NEDD9: variants seen among roughly 807,000 people sequenced by gnomAD.
NEDD9 encodes enhancer of filamentation 1.
In NEDD9, 26 loss-of-function variants were observed where a neutral mutation model predicts 76.6. That is an observed-to-expected ratio of 0.34 (90% confidence interval 0.25 to 0.47). The LOEUF (loss-of-function observed/expected upper bound fraction) is 0.47, where lower values mean the gene tolerates loss of function less well. Ranked by LOEUF, NEDD9 falls within the 20% of genes least tolerant of loss-of-function variation. NEDD9 has a pLI of 1.00. For synonymous variants in NEDD9, 392 were observed against 414.2 expected (o/e 0.95, Z 0.65); for missense variants, 937 against 1,058.5 (o/e 0.89, Z 1.59).
rs555969059 is a variant in NEDD9 at position 11,208,164 on chromosome 6, C to T, written c.459+5117G>A. ...CCGCACTTCAGCATGGGTGACAGAG[C>T]GAGACCCTGACTCAAAAAAAAAAAA... On this transcript the variant is annotated intron_variant, in intron 2 of 6. Transcript: ENST00000379446. Among the ~76,000 whole-genome samples, 11 of 145,568 alleles carry T rather than the reference C, an allele frequency of 7.6e-5. No individual in the cohort carries two copies. In the East Asian group the frequency reaches 1.4e-3, roughly 19 times the overall value.
chr6:11,219,306 C>T (rs1683710907), intron 1 of NEDD9, among the ~76,000 whole-genome samples: 5 of 152,214 alleles, frequency 3.3e-5, no homozygotes, highest in Non-Finnish European at 7.3e-5. Context: ...CTTGTAGTTT[C>T]CATGACCACT....
chr6:11,309,738 T>G (rs1234167393), intron 2 of NEDD9, among the ~76,000 whole-genome samples: 2 of 152,222 alleles, frequency 1.3e-5, no homozygotes, highest in East Asian at 3.8e-4. Flanking sequence ...GGGTTTTTCT[T>G]CTCCTTTATT....
At chr6:11,309,116 A>G (rs1018115112) in intron 2 of NEDD9, among the ~76,000 whole-genome samples, 1 of 152,162 alleles carries the variant, frequency 6.6e-6, no homozygotes, top group African/African-American at 2.4e-5. Context: ...CTATACAATA[A>G]AGTGACTTCC....
chr6:11,224,948 T>C (rs1047939819), intron 1 of NEDD9, among the ~76,000 whole-genome samples: 1 of 152,158 alleles, frequency 6.6e-6, no homozygotes, highest in Non-Finnish European at 1.5e-5. Context: ...GCCTGACCAA[T>C]AAAACCTAGG....
At position 11,190,110 on chromosome 6, in the gene NEDD9, G is replaced by A; in HGVS notation, c.1759C>T (p.Gln587Ter). 1 of 1,611,972 alleles carries A rather than the reference G, an allele frequency of 6.2e-7. No homozygotes were observed. The highest frequency in any genetic ancestry group is 8.5e-7 in the Non-Finnish European group (1 of 1,178,612). Residue 587 changes from glutamine to a stop codon, truncating the protein, a stop_gained, in exon 5 of 7, where the codon CAG becomes TAG. Transcript: ENST00000379446. LOFTEE classifies it high-confidence loss of function. The surrounding 1 kb of genome is among the most constrained non-coding windows in gnomAD (Gnocchi z 5.8). Reference protein sequence around the residue: ...TEYPHGGSQGQLLHPGDHKAQ... With the variant: ...TEYPHGGSQG ...TTGTGGTCACCAGGATGCAGCAGCT[G>A]TCCCTGGGAGCCACCGTGTGGGTAC...
intron 1 of NEDD9, among the ~76,000 whole-genome samples, chr6:11,372,088 T>C (rs1395834219): frequency 6.6e-6 from 1 of 152,210 alleles, no homozygotes; most frequent in African/African-American, 2.4e-5. Context: ...TCATTCTTTC[T>C]ATGACTTGTA....
rs75644276 is a variant in NEDD9, at chr6:11,294,499, G to T, written c.12+11493C>A. Among the ~76,000 whole-genome samples, 3 of 152,112 alleles carry T rather than the reference G, an allele frequency of 2.0e-5. No individual in the cohort carries two copies. The East Asian group carries it at 5.8e-4, about 29-fold the overall frequency. ...CTCCTGTTCCAGCCATATAGGATGTGCTGGCTTCCCTTTTGTCTTCTGCCA... is the reference window on the plus strand; with the variant it reads ...CTCCTGTTCCAGCCATATAGGATGTTCTGGCTTCCCTTTTGTCTTCTGCCA... On this transcript the variant is annotated intron_variant, in intron 3 of 3. Coordinates refer to the NEDD9 transcript ENST00000397378.
upstream of NEDD9, among the ~76,000 whole-genome samples, chr6:11,234,693 G>A (rs1464526278): frequency 6.7e-6 from 1 of 149,978 alleles, no homozygotes; most frequent in Non-Finnish European, 1.5e-5. Flanking sequence ...ACCTGTGCTG[G>A]AACCTCAAAA....
intron 1 of NEDD9, among the ~76,000 whole-genome samples, chr6:11,228,422 C>T (rs142987640): frequency 0.073 from 11,170 of 152,116 alleles, 614 homozygotes; most frequent in Non-Finnish European, 0.12. Flanking sequence ...CCCAGCTACT[C>T]AGGAGGCCGA....
At chr6:11,249,114 G>A (rs920791114) in intron 3 of NEDD9, 4 of 455,968 alleles carry the variant, frequency 8.8e-6, no homozygotes, top group Admixed American at 2.4e-5. Context: ...ATGTTTCTGC[G>A]AGGGTTTTTT....
chr6:11,257,063 A>G (rs922322870), intron 3 of NEDD9, among the ~76,000 whole-genome samples: 3 of 152,228 alleles, frequency 2.0e-5, no homozygotes, highest in Non-Finnish European at 2.9e-5. Context: ...GGAAAAATGT[A>G]AAGTATGGCC....
chr6:11,206,148 A>C (rs1248612784), intron 2 of NEDD9, among the ~76,000 whole-genome samples: 3 of 152,056 alleles, frequency 2.0e-5, no homozygotes, highest in Non-Finnish European at 4.4e-5. Flanking sequence ...GCCGGGCGTG[A>C]TGGCTCATGT....
chr6:11,334,757 G>T (rs2003663), intron 1 of NEDD9, among the ~76,000 whole-genome samples: 4,222 of 152,152 alleles, frequency 0.028, 199 homozygotes, highest in African/African-American at 0.096. Context: ...CTATGGAAAT[G>T]ATGTTAAACA....
Position 11,242,276 on chromosome 6 carries a change from T to C in NEDD9, c.13-28549A>G, listed in dbSNP as rs143557023. 5.5e-3 allele frequency among the ~76,000 whole-genome samples: 834 copies of C among 152,312 alleles called. 9 individuals carry two copies. Among genetic ancestry groups the C allele is most frequent in the African/African-American group, 0.019 (795 of 41,562 alleles). Reference sequence around the variant, plus strand: ...CTCGCTCACTGGTACCCCTGAGCTTTACAGGCACTAAGTATAAGTTCTCTT... The same window carrying C: ...CTCGCTCACTGGTACCCCTGAGCTTCACAGGCACTAAGTATAAGTTCTCTT... On this transcript the variant is annotated intron_variant, in intron 3 of 3. Coordinates refer to the NEDD9 transcript ENST00000397378.
At chr6:11,248,475 A>G (rs1182024051) in intron 3 of NEDD9, among the ~76,000 whole-genome samples, 3 of 152,200 alleles carry the variant, frequency 2.0e-5, no homozygotes, top group African/African-American at 7.2e-5. Flanking sequence ...GCAGTTCTAT[A>G]TATTCTCAAA....
upstream of NEDD9, among the ~76,000 whole-genome samples, chr6:11,237,178 G>A (rs1759621037): frequency 6.6e-6 from 1 of 152,086 alleles, no homozygotes; most frequent in African/African-American, 2.4e-5. This position sits in a 1 kb window ranked among gnomAD's most constrained non-coding sequence, Gnocchi z 4.9. Context: ...CTGGAACACG[G>A]CCCTATTATA....
intron 2 of NEDD9, among the ~76,000 whole-genome samples, chr6:11,327,530 C>T (rs982428524): frequency 2.0e-5 from 3 of 152,186 alleles, no homozygotes; most frequent in Non-Finnish European, 2.9e-5. Flanking sequence ...CAATAGACCT[C>T]GAAGTCTGGA....
chr6:11,275,565 C>CACACACACACACACAT (rs551632582), intron 3 of NEDD9, among the ~76,000 whole-genome samples: 4 of 150,184 alleles, frequency 2.7e-5, no homozygotes, highest in African/African-American at 9.8e-5. Flanking sequence ...CACACACACA[C>CACACACACACACACAT]ATATATATAT....
chr6:11,213,565 G>C lies in NEDD9; in HGVS notation c.175C>G (p.Arg59Gly). 1 of 1,614,150 alleles carries C rather than the reference G, an allele frequency of 6.2e-7. No individual in the cohort carries two copies. Among genetic ancestry groups the C allele is most frequent in the South Asian group, 1.1e-5 (1 of 91,074 alleles). The change falls in exon 2 of 7, where the codon CGG becomes GGG. Residue 59 changes from arginine to glycine, a missense_variant. By Grantham distance (125) the Arg-to-Gly change is moderately radical (BLOSUM62 -2). Transcript: ENST00000379446. This position sits in a 1 kb window ranked among gnomAD's most constrained non-coding sequence, Gnocchi z 5.4. ...HGRQGIVPGN[R>G]VKLLIGPMQE... Reference sequence around the variant, plus strand: ...ATGGGACCAATCAGAAGCTTCACCCGGTTGCCTGGGACAATGCCTTGCCGA... The same window carrying C: ...ATGGGACCAATCAGAAGCTTCACCCCGTTGCCTGGGACAATGCCTTGCCGA...
Sources: allele counts gnomAD v4.1 joint callset (sites outside exome capture counted in the v4.1 genomes callset), GRCh38; gene constraint gnomAD v4.1.1; non-coding constraint Gnocchi (gnomAD v3.1); transcripts MANE v1.5; gene names NCBI Gene and HGNC (gene_info 2026-07-23, HGNC 2026-07-21).